Variants in LINGO2 observed in about 807,000 individuals in gnomAD.
LINGO2 encodes leucine-rich repeat and immunoglobulin-like domain-containing nogo receptor-interacting protein 2.
LINGO2 carries 14 observed loss-of-function variants against 30.6 expected under a neutral mutation model. That is an observed-to-expected ratio of 0.46 (90% CI 0.30 to 0.72). The LOEUF (loss-of-function observed/expected upper bound fraction) is 0.72, where lower values mean the gene tolerates loss of function less well. Among genes scored for constraint, LINGO2 ranks in the 30% least tolerant of loss-of-function variants. The pLI is 0.07. For missense variants in LINGO2, 729 were observed against 751.7 expected, an observed-to-expected ratio of 0.97 and a Z score of 0.35; for synonymous variants, 317 against 288.5, an observed-to-expected ratio of 1.10 and a Z score of -1.00.
chr9:27,984,270 C>T (rs1821022568), intron 5 of LINGO2, among the ~76,000 whole-genome samples: 1 of 151,780 alleles, frequency 6.6e-6, no homozygotes, highest in Admixed American at 6.6e-5. Context: ...TTACAACAAC[C>T]ATTGGCTTCA....
the LINGO2 span, among the ~76,000 whole-genome samples, chr9:28,918,974 A>G: frequency 6.6e-6 from 1 of 152,204 alleles, no homozygotes; most frequent in African/African-American, 2.4e-5. Context: ...AAGTAACAGG[A>G]TGGGTGCACT....
At chr9:28,642,501 T>C (rs1827640088) in intron 1 of LINGO2, among the ~76,000 whole-genome samples, 1 of 152,108 alleles carries the variant, frequency 6.6e-6, no homozygotes, top group Admixed American at 6.6e-5. Context: ...TATTTTTAAG[T>C]TTTTTGGGGC....
chr9:28,644,243 C>G (rs1444786210), intron 1 of LINGO2, among the ~76,000 whole-genome samples: 2 of 152,046 alleles, frequency 1.3e-5, no homozygotes, highest in Non-Finnish European at 2.9e-5. Flanking sequence ...TAGCTGCACT[C>G]TCATGTTTGT....
intron 2 of LINGO2, among the ~76,000 whole-genome samples, chr9:28,405,926 C>G (rs559070765): frequency 6.6e-6 from 1 of 152,228 alleles, no homozygotes; most frequent in Admixed American, 6.5e-5. Context: ...AACCAAAGAG[C>G]ATTTATTAAA....
chr9:28,242,006 G>T (rs997814457), intron 4 of LINGO2, among the ~76,000 whole-genome samples: 7 of 150,774 alleles, frequency 4.6e-5, no homozygotes, highest in Non-Finnish European at 1.0e-4. Context: ...AAATCATGAA[G>T]ATGAGAAAAA....
intron 2 of LINGO2, among the ~76,000 whole-genome samples, chr9:28,435,146 C>G (rs1823872519): frequency 6.6e-6 from 1 of 152,026 alleles, no homozygotes; most frequent in Non-Finnish European, 1.5e-5. Context: ...AAAACAAACT[C>G]ACTACAGGAA....
At chr9:28,871,754 G>C in the LINGO2 span, among the ~76,000 whole-genome samples, 1 of 151,850 alleles carries the variant, frequency 6.6e-6, no homozygotes, top group Non-Finnish European at 1.5e-5. Flanking sequence ...AGAGACGTTG[G>C]TTCAAATCCC....
chr9:28,831,463 A>C, the LINGO2 span, among the ~76,000 whole-genome samples: 1 of 152,136 alleles, frequency 6.6e-6, no homozygotes, highest in Non-Finnish European at 1.5e-5. Context: ...TTTAGAAGAC[A>C]CCGAGTAATT....
intron 5 of LINGO2, among the ~76,000 whole-genome samples, chr9:28,010,093 A>AT (rs141890125): frequency 0.02 from 3,064 of 152,268 alleles, 55 homozygotes; most frequent in African/African-American, 0.047. Context: ...ATGAATCTTG[A>AT]TATCATTACG....
intron 4 of LINGO2, among the ~76,000 whole-genome samples, chr9:28,150,477 G>A (rs557104712): frequency 2.0e-4 from 30 of 152,298 alleles, no homozygotes; most frequent in Middle Eastern, 3.4e-3. Flanking sequence ...CCAGCTACTC[G>A]GGAGGCTGAG....
chr9:28,919,960 T>A, the LINGO2 span, among the ~76,000 whole-genome samples: 1 of 152,168 alleles, frequency 6.6e-6, no homozygotes, highest in African/African-American at 2.4e-5. Flanking sequence ...ATACTTTATA[T>A]GAGATCAGTA....
chr9:28,763,431 G>A, the LINGO2 span, among the ~76,000 whole-genome samples: 1 of 151,830 alleles, frequency 6.6e-6, no homozygotes, highest in Non-Finnish European at 1.5e-5. Flanking sequence ...ACAAACTTTT[G>A]AATAATCACT....
chr9:28,950,822 C>T, the LINGO2 span, among the ~76,000 whole-genome samples: 2 of 152,066 alleles, frequency 1.3e-5, no homozygotes, highest in Non-Finnish European at 2.9e-5. Flanking sequence ...GGCCATACTG[C>T]CCGAAGTAAT....
chr9:28,737,812 T>C, the LINGO2 span, among the ~76,000 whole-genome samples: 3 of 152,110 alleles, frequency 2.0e-5, no homozygotes, highest in Admixed American at 6.6e-5. Context: ...AAGAGAGTTA[T>C]AAAATACAAA....
At chr9:28,185,025 G>A (rs991910234) in intron 4 of LINGO2, among the ~76,000 whole-genome samples, 2 of 152,148 alleles carry the variant, frequency 1.3e-5, no homozygotes, top group African/African-American at 4.8e-5. Context: ...TTATGGGCAG[G>A]TGAAGTAGGT....
intron 1 of LINGO2, among the ~76,000 whole-genome samples, chr9:28,644,594 A>T (rs1827749291): frequency 6.7e-6 from 1 of 149,706 alleles, no homozygotes; most frequent in Non-Finnish European, 1.5e-5. Context: ...AAAAAAAAAA[A>T]AGAAAGAATT....
At chr9:28,788,300 T>A in the LINGO2 span, among the ~76,000 whole-genome samples, 1 of 152,174 alleles carries the variant, frequency 6.6e-6, no homozygotes, top group Non-Finnish European at 1.5e-5. Context: ...GTCAGAAGGG[T>A]TTCAGTTTAT....
the LINGO2 span, among the ~76,000 whole-genome samples, chr9:28,824,390 C>G: frequency 6.6e-6 from 1 of 152,134 alleles, no homozygotes; most frequent in Non-Finnish European, 1.5e-5. Flanking sequence ...CAAGTGTGAC[C>G]TGATGCTCAA....
intron 3 of LINGO2, among the ~76,000 whole-genome samples, chr9:28,308,041 A>G (rs1385271602): frequency 1.3e-5 from 2 of 150,396 alleles, no homozygotes; most frequent in Admixed American, 6.7e-5. Context: ...ATCCCCATCA[A>G]GCTACCAATG....
Sources: allele counts gnomAD v4.1 joint callset (sites outside exome capture counted in the v4.1 genomes callset), GRCh38; gene constraint gnomAD v4.1.1; transcripts MANE v1.5; gene names NCBI Gene and HGNC (gene_info 2026-07-23, HGNC 2026-07-21).